The following SCFD2 variants were observed in gnomAD, a reference collection of about 807,000 sequenced individuals.
SCFD2 encodes the protein sec1 family domain containing 2.
In SCFD2, 54 loss-of-function variants were observed where a neutral mutation model predicts 58.9. The observed-to-expected ratio is 0.92, with a 90% CI of 0.74 to 1.15. The LOEUF (loss-of-function observed/expected upper bound fraction) is 1.15, where lower values mean the gene tolerates loss of function less well. Among genes scored for constraint, SCFD2 ranks in the 50% most tolerant of loss-of-function variants. SCFD2 has a pLI of 0.00. For synonymous variants in SCFD2, 321 were observed against 335.9 expected (o/e 0.96, Z 0.49); for missense variants, 805 against 836.6 (o/e 0.96, Z 0.47).
rs1040613257 is a variant in SCFD2, at chr4:53,251,856, TC to T, written c.1311+21969del. On this transcript the variant is annotated intron_variant, in intron 4 of 8. Coordinates refer to ENST00000401642, the MANE Select transcript of SCFD2 (RefSeq NM_152540.4). ...GGATGCCCTCTCTCACCACTCCTAT[TC>T]AACACAGTGTTGGAAGTTCTGGCCA... is the stretch of plus-strand genomic sequence containing the variant. 2.3e-3 allele frequency among the ~76,000 whole-genome samples: 349 copies of T among 151,396 alleles called. 1 individual carries two copies. The highest frequency in any genetic ancestry group is 8.3e-3 in the African/African-American group (343 of 41,260).
At chr4:52,995,277 T>C (rs1283877950) in intron 5 of SCFD2, among the ~76,000 whole-genome samples, 4 of 152,096 alleles carry the variant, frequency 2.6e-5, no homozygotes, top group Non-Finnish European at 5.9e-5. Context: ...ATCCCTCCCA[T>C]AGGCAGTTCA....
intron 5 of SCFD2, among the ~76,000 whole-genome samples, chr4:53,091,444 A>T (rs1276904667): frequency 6.6e-6 from 1 of 151,874 alleles, no homozygotes; most frequent in African/African-American, 2.4e-5. Flanking sequence ...TGAGATTCAG[A>T]ATATTAAAAA....
chr4:53,178,279 C>G (rs187427016), intron 4 of SCFD2, among the ~76,000 whole-genome samples: 1 of 152,246 alleles, frequency 6.6e-6, no homozygotes, highest in African/African-American at 2.4e-5. Flanking sequence ...CTCACACAGC[C>G]GGGTACTCCT....
Position 52,959,714 on chromosome 4 carries a change from T to C in SCFD2, c.1562-38844A>G, listed in dbSNP as rs776851992. ...AACCATGCCAAATGAATTCCGCTCA[T>C]TTAAGAGGAATGCAAAAACAAGATG... On this transcript the variant is annotated intron_variant, in intron 5 of 8. Transcript: ENST00000401642. Among the ~76,000 whole-genome samples, 19 of 152,300 alleles carry C rather than the reference T, an allele frequency of 1.2e-4. No individual in the cohort carries two copies. The Middle Eastern group carries it at 0.01, about 82-fold the overall frequency.
intron 4 of SCFD2, among the ~76,000 whole-genome samples, chr4:53,227,126 C>T (rs1055877454): frequency 6.6e-6 from 1 of 152,130 alleles, no homozygotes; most frequent in African/African-American, 2.4e-5. Context: ...TCTCCTCTGG[C>T]CTCTTATCTG....
intron 1 of SCFD2, among the ~76,000 whole-genome samples, chr4:53,359,534 T>G (rs1734493479): frequency 6.6e-6 from 1 of 152,208 alleles, no homozygotes; most frequent in Admixed American, 6.5e-5. Flanking sequence ...GAGACCAGCC[T>G]GCGAACAAAG....
chr4:53,336,006 A>G (rs1733672390), intron 2 of SCFD2, among the ~76,000 whole-genome samples: 3 of 152,204 alleles, frequency 2.0e-5, no homozygotes, highest in Non-Finnish European at 4.4e-5. Context: ...GGAACCTAAT[A>G]TATTTAAAGC....
intron 5 of SCFD2, among the ~76,000 whole-genome samples, chr4:53,144,944 CA>C (rs1192623869): frequency 2.0e-5 from 3 of 152,172 alleles, no homozygotes; most frequent in Non-Finnish European, 2.9e-5. Flanking sequence ...GTGCAGTGGG[CA>C]AGCAAGCATT....
intron 5 of SCFD2, among the ~76,000 whole-genome samples, chr4:52,998,529 A>T (rs1721795253): frequency 6.6e-6 from 1 of 152,216 alleles, no homozygotes; most frequent in Admixed American, 6.5e-5. Flanking sequence ...AATGAAAGGG[A>T]AAGTTAATTT....
rs571965043 is a variant in SCFD2 at position 52,904,123 on chromosome 4, G to A, written c.1842+3334C>T. Among the ~76,000 whole-genome samples, 7 of 152,142 alleles carry A rather than the reference G, an allele frequency of 4.6e-5. No individual in the cohort carries two copies. In the Middle Eastern group the frequency reaches 0.017, roughly 370 times the overall value. ...AGCCTCTCAATCTGCCCTCATCCCC[G>A]CACAGTCTATAGACCCTGCTTCCGG... is the stretch of plus-strand genomic sequence containing the variant. On this transcript the variant is annotated intron_variant, in intron 7 of 8. Coordinates refer to ENST00000401642, the MANE Select transcript of SCFD2 (RefSeq NM_152540.4).
At chr4:53,333,793 T>C (rs1423536144) in intron 2 of SCFD2, among the ~76,000 whole-genome samples, 1 of 133,530 alleles carries the variant, frequency 7.5e-6, no homozygotes, top group Non-Finnish European at 1.6e-5. Context: ...CAAAAGAAAC[T>C]ACCATCAGAG....
intron 5 of SCFD2, among the ~76,000 whole-genome samples, chr4:53,063,905 C>T (rs1223570272): frequency 3.3e-5 from 5 of 152,060 alleles, no homozygotes; most frequent in African/African-American, 4.8e-5. Context: ...AAGCTCAAGG[C>T]ATCAACTGTC....
chr4:52,946,769 A>C (rs1720440324), intron 5 of SCFD2, among the ~76,000 whole-genome samples: 1 of 152,214 alleles, frequency 6.6e-6, no homozygotes, highest in African/African-American at 2.4e-5. Context: ...ACAAAGGATT[A>C]GCATTATTAC....
intron 6 of SCFD2, among the ~76,000 whole-genome samples, chr4:52,911,703 T>G (rs916288408): frequency 1.3e-5 from 2 of 152,250 alleles, no homozygotes; most frequent in African/African-American, 4.8e-5. Context: ...TCTCTGATTA[T>G]CTTTTCATAT....
intron 2 of SCFD2, among the ~76,000 whole-genome samples, chr4:53,340,679 C>T (rs1490548345): frequency 3.9e-5 from 6 of 152,208 alleles, no homozygotes; most frequent in African/African-American, 1.4e-4. Flanking sequence ...GTGTCCCTCA[C>T]CCCCGAGTAG....
intron 5 of SCFD2, among the ~76,000 whole-genome samples, chr4:52,946,105 CTT>C (rs1675436920): frequency 6.6e-6 from 1 of 152,156 alleles, no homozygotes; most frequent in South Asian, 2.1e-4. Context: ...CAATAAGACT[CTT>C]GCTTCAAAAG....
intron 7 of SCFD2, among the ~76,000 whole-genome samples, chr4:52,890,096 A>G (rs1029861776): frequency 3.3e-5 from 5 of 152,246 alleles, no homozygotes; most frequent in African/African-American, 1.2e-4. Flanking sequence ...TGGCTGAGTA[A>G]GTAACCCAGA....
At chr4:53,246,661 T>G (rs900893819) in intron 4 of SCFD2, among the ~76,000 whole-genome samples, 4 of 152,166 alleles carry the variant, frequency 2.6e-5, no homozygotes, top group Non-Finnish European at 5.9e-5. Context: ...AAGTGGACCC[T>G]TTCCTTATAC....
intron 4 of SCFD2, among the ~76,000 whole-genome samples, chr4:53,200,619 A>G (rs1434745347): frequency 1.3e-5 from 2 of 152,150 alleles, no homozygotes; most frequent in African/African-American, 4.8e-5. Context: ...AGATAGGACA[A>G]GCGCTTGTCT....
Sources: allele counts gnomAD v4.1 joint callset (sites outside exome capture counted in the v4.1 genomes callset), GRCh38; gene constraint gnomAD v4.1.1; transcripts MANE v1.5; gene names NCBI Gene and HGNC (gene_info 2026-07-23, HGNC 2026-07-21).